The following KCNK2 variants were observed in gnomAD, a reference collection of about 807,000 sequenced individuals.
The protein encoded by KCNK2 is potassium channel subfamily K member 2.
A neutral mutation model predicts 40.5 loss-of-function variants in KCNK2; 21 were observed. The ratio of observed to expected loss-of-function variants is 0.52; its 90% CI spans 0.37 to 0.75. The LOEUF (loss-of-function observed/expected upper bound fraction) is 0.75, where lower values mean the gene tolerates loss of function less well. Among genes scored for constraint, KCNK2 ranks in the 30% least tolerant of loss-of-function variants. The pLI is 0.00. For missense variants in KCNK2, 399 were observed against 531.6 expected, an observed-to-expected ratio of 0.75 and a Z score of 2.45; for synonymous variants, 191 against 202.2, an observed-to-expected ratio of 0.94 and a Z score of 0.47.
chr1:215,137,646 G>A (rs1384059136), intron 3 of KCNK2, among the ~76,000 whole-genome samples: 1 of 152,040 alleles, frequency 6.6e-6, no homozygotes, highest in Non-Finnish European at 1.5e-5. Context: ...GAACTTTTCC[G>A]AGTTATTTAC....
At chr1:215,108,976 T>C (rs1349582122) in intron 2 of KCNK2, among the ~76,000 whole-genome samples, 2 of 125,920 alleles carry the variant, frequency 1.6e-5, no homozygotes, top group African/African-American at 1.2e-4. Context: ...TTTTGTTTTT[T>C]GAAATGTAAA....
chr1:215,054,221 G>A (rs1335245575), intron 1 of KCNK2, among the ~76,000 whole-genome samples: 1 of 152,190 alleles, frequency 6.6e-6, no homozygotes, highest in Non-Finnish European at 1.5e-5. Context: ...TCAATGTCAT[G>A]TTCTTTGGTG....
chr1:215,109,432 G>T (rs934443042), intron 2 of KCNK2, among the ~76,000 whole-genome samples: 1 of 151,758 alleles, frequency 6.6e-6, no homozygotes, highest in African/African-American at 2.4e-5. Context: ...TTCTTTTAGC[G>T]CTCATGTAAG....
chr1:215,026,267 T>C (rs1656995713), intron 1 of KCNK2, among the ~76,000 whole-genome samples: 1 of 152,066 alleles, frequency 6.6e-6, no homozygotes, highest in Admixed American at 6.6e-5. Flanking sequence ...ATCTGTCATC[T>C]GCATTGCAAA....
chr1:215,179,104 T>G (rs1456924899), intron 5 of KCNK2, among the ~76,000 whole-genome samples: 1 of 152,012 alleles, frequency 6.6e-6, no homozygotes, highest in African/African-American at 2.4e-5. Flanking sequence ...TTATGGGAAT[T>G]TATTTATTTC....
chr1:215,129,026 G>A (rs1661557130), intron 3 of KCNK2, among the ~76,000 whole-genome samples: 1 of 152,312 alleles, frequency 6.6e-6, no homozygotes, highest in East Asian at 1.9e-4. Context: ...AGTGACCCAG[G>A]GAAGGAGGGA....
intron 1 of KCNK2, among the ~76,000 whole-genome samples, chr1:215,072,448 C>A (rs1658791429): frequency 6.6e-6 from 1 of 152,172 alleles, no homozygotes; most frequent in Admixed American, 6.5e-5. Context: ...TTGCCATAAA[C>A]AATGTTTATT....
chr1:215,174,901 T>C (rs1254666810), intron 5 of KCNK2, among the ~76,000 whole-genome samples: 1 of 152,190 alleles, frequency 6.6e-6, no homozygotes, highest in Non-Finnish European at 1.5e-5. Context: ...TATACAATCA[T>C]GTCATCTGCA....
intron 1 of KCNK2, among the ~76,000 whole-genome samples, chr1:215,053,303 T>C (rs1173268016): frequency 6.6e-6 from 1 of 152,092 alleles, no homozygotes; most frequent in Non-Finnish European, 1.5e-5. Context: ...GACTGATGCA[T>C]CTTCCCTAGG....
At chr1:215,013,269 A>G (rs1597847) in intron 1 of KCNK2, among the ~76,000 whole-genome samples, 80,626 of 151,978 alleles carry the variant, frequency 0.53, 22,253 homozygotes, top group South Asian at 0.78. Flanking sequence ...TTGCCTTTGC[A>G]CTTGTACTAA....
At chr1:215,207,623 G>A (rs1360416251) in intron 6 of KCNK2, among the ~76,000 whole-genome samples, 2 of 152,078 alleles carry the variant, frequency 1.3e-5, no homozygotes, top group Non-Finnish European at 2.9e-5. Flanking sequence ...AAACAAATAC[G>A]CTCACCAAAG....
chr1:215,181,552 T>G (rs1664215012), intron 5 of KCNK2, among the ~76,000 whole-genome samples: 1 of 152,208 alleles, frequency 6.6e-6, no homozygotes. Flanking sequence ...CTCTATAATG[T>G]TGCTATGTTC....
intron 2 of KCNK2, among the ~76,000 whole-genome samples, chr1:215,094,172 G>C (rs1056880352): frequency 6.6e-6 from 1 of 151,004 alleles, no homozygotes; most frequent in Admixed American, 6.7e-5. Flanking sequence ...ATAACATGCT[G>C]TCCAGAAAGT....
intron 5 of KCNK2, among the ~76,000 whole-genome samples, chr1:215,191,684 C>A (rs1664673609): frequency 6.6e-6 from 1 of 152,144 alleles, no homozygotes; most frequent in Non-Finnish European, 1.5e-5. Context: ...AACCTTTATA[C>A]CTCCACACTT....
intron 3 of KCNK2, among the ~76,000 whole-genome samples, chr1:215,165,473 A>G (rs912277729): frequency 6.6e-6 from 1 of 152,174 alleles, no homozygotes; most frequent in Non-Finnish European, 1.5e-5. Flanking sequence ...TAACCTGGCT[A>G]TTAAATAGTT....
At chr1:215,087,882 C>A (rs147393362) in intron 2 of KCNK2, among the ~76,000 whole-genome samples, 1 of 152,142 alleles carries the variant, frequency 6.6e-6, no homozygotes, top group Non-Finnish European at 1.5e-5. Context: ...TATGCATACA[C>A]GTTCTTATTC....
chr1:215,177,740 A>ATCTTTTTTTT (rs71167812), intron 5 of KCNK2, among the ~76,000 whole-genome samples: 1 of 101,600 alleles, frequency 9.8e-6, no homozygotes, highest in Non-Finnish European at 2.0e-5. Flanking sequence ...ATATATATAT[A>ATCTTTTTTTT]TTTTTTTTTT....
At chr1:215,055,057 A>G (rs918186574) in intron 1 of KCNK2, among the ~76,000 whole-genome samples, 14 of 152,246 alleles carry the variant, frequency 9.2e-5, no homozygotes, top group Admixed American at 2.0e-4. Flanking sequence ...TATGAATATC[A>G]TAACTTATTA....
chr1:215,184,049 C>G (rs1664330196), intron 5 of KCNK2, among the ~76,000 whole-genome samples: 1 of 152,114 alleles, frequency 6.6e-6, no homozygotes, highest in Non-Finnish European at 1.5e-5. Flanking sequence ...CAGAGGACAT[C>G]TACAGTCTAG....
Sources: allele counts gnomAD v4.1 joint callset (sites outside exome capture counted in the v4.1 genomes callset), GRCh38; gene constraint gnomAD v4.1.1; transcripts MANE v1.5; gene names NCBI Gene and HGNC (gene_info 2026-07-23, HGNC 2026-07-21).